The following IGF1R variants were observed in gnomAD, a reference collection of about 807,000 sequenced individuals.
The protein encoded by IGF1R is insulin like growth factor 1 receptor.
A neutral mutation model predicts 144.6 loss-of-function variants in IGF1R; 44 were observed. The ratio of observed to expected loss-of-function variants is 0.30; its 90% CI spans 0.24 to 0.39. IGF1R has a LOEUF of 0.39. IGF1R is among the 10% of genes least tolerant of loss of function. The pLI is 1.00. For missense variants in IGF1R, 1,355 were observed against 1,833.7 expected, an observed-to-expected ratio of 0.74 and a Z score of 4.77; for synonymous variants, 795 against 722.8, an observed-to-expected ratio of 1.10 and a Z score of -1.60.
chr15:98,906,712 A>G (rs1292635431), intron 5 of IGF1R, among the ~76,000 whole-genome samples: 2 of 152,246 alleles, frequency 1.3e-5, no homozygotes, highest in African/African-American at 2.4e-5. Context: ...CTGCTTTTCC[A>G]GGATAGCTGT....
chr15:98,811,291 C>T (rs908025116), intron 2 of IGF1R, among the ~76,000 whole-genome samples: 13 of 150,138 alleles, frequency 8.7e-5, no homozygotes, highest in Admixed American at 8.0e-4. Context: ...GAGGCTGAGA[C>T]GGGCAGATCA....
intron 2 of IGF1R, among the ~76,000 whole-genome samples, chr15:98,858,749 G>A (rs905483358): frequency 3.3e-5 from 5 of 152,182 alleles, no homozygotes; most frequent in African/African-American, 7.2e-5. Flanking sequence ...CAGGGTTTGC[G>A]GGGAGAAATC....
intron 15 of IGF1R, 55 bp downstream of exon 15, chr15:98,930,360 T>C: frequency 7.7e-7 from 1 of 1,291,378 alleles, no homozygotes; most frequent in South Asian, 1.2e-5. Context: ...GATCGGGAGC[T>C]TTCAGGAGGG....
At position 98,924,506 on chromosome 15, in the gene IGF1R, G is replaced by C. The variant is rs1286068434; in HGVS notation, c.2623-19G>C. On this transcript the variant is annotated intron_variant, in intron 12 of 20. Coordinates refer to ENST00000650285, the MANE Select transcript of IGF1R (RefSeq NM_000875.5). ...TCCTGCATTCATGGGAAATTGACAT[G>C]TATGTTTTATTTCCCCAGGATCAGC... 1.9e-6 allele frequency: 3 copies of C among 1,613,460 alleles called. No homozygotes were observed. Among genetic ancestry groups the C allele is most frequent in the Non-Finnish European group, 2.5e-6 (3 of 1,179,502 alleles).
chr15:98,943,280 A>G (rs550251607), intron 19 of IGF1R, among the ~76,000 whole-genome samples: 2 of 152,336 alleles, frequency 1.3e-5, no homozygotes, highest in South Asian at 4.1e-4. Context: ...TGGGACCAAC[A>G]TTCTTTCCGC....
intron 2 of IGF1R, among the ~76,000 whole-genome samples, chr15:98,753,297 G>A (rs2055064471): frequency 1.3e-5 from 2 of 148,888 alleles, no homozygotes; most frequent in Middle Eastern, 7.1e-3. Flanking sequence ...GCTCACTGCA[G>A]CCTTGACCTC....
At chr15:98,753,380 C>CTT (rs1173073572) in intron 2 of IGF1R, among the ~76,000 whole-genome samples, 979 of 60,278 alleles carry the variant, frequency 0.016, 99 homozygotes, top group Middle Eastern at 0.034. Flanking sequence ...CCATACCTGG[C>CTT]TTTTTTTTTT....
intron 2 of IGF1R, among the ~76,000 whole-genome samples, chr15:98,752,421 C>T (rs12911273): frequency 0.59 from 89,837 of 152,024 alleles, 26,851 homozygotes; most frequent in Non-Finnish European, 0.64. Context: ...CTGTGGCTCC[C>T]GCCTGTAATC....
chr15:98,791,219 G>A (rs534336091), intron 2 of IGF1R, among the ~76,000 whole-genome samples: 1 of 152,302 alleles, frequency 6.6e-6, no homozygotes, highest in African/African-American at 2.4e-5. Flanking sequence ...CAAAGATCTT[G>A]GGGGTGTGGT....
intron 17 of IGF1R, among the ~76,000 whole-genome samples, chr15:98,937,596 C>T (rs944782498): frequency 2.0e-5 from 3 of 152,172 alleles, no homozygotes; most frequent in South Asian, 2.1e-4. Context: ...CCTGCTCCCC[C>T]GACCAAGTTT....
intron 1 of IGF1R, among the ~76,000 whole-genome samples, chr15:98,706,827 G>GTTT (rs11418145): frequency 1.4e-5 from 2 of 147,376 alleles, no homozygotes; most frequent in South Asian, 2.1e-4. Flanking sequence ...ATTTTTACTG[G>GTTT]TTTTTTTTTT....
At chr15:98,933,838 CCTCAGT>C (rs1260576723) in intron 15 of IGF1R, among the ~76,000 whole-genome samples, 1 of 152,148 alleles carries the variant, frequency 6.6e-6, no homozygotes, top group Non-Finnish European at 1.5e-5. Context: ...CGGGTCTCTC[CCTCAGT>C]CTCAGAGCTC....
intron 2 of IGF1R, among the ~76,000 whole-genome samples, chr15:98,841,972 C>T (rs2011182387): frequency 6.6e-6 from 1 of 152,214 alleles, no homozygotes; most frequent in Non-Finnish European, 1.5e-5. Flanking sequence ...CTGCTGGCAT[C>T]ATCTTTCTAG....
rs77588456 is a variant in IGF1R, at chr15:98,726,295, G to A, written c.640+18188G>A. 1.3e-3 allele frequency among the ~76,000 whole-genome samples: 191 copies of A among 152,282 alleles called. 3 individuals are homozygous for A. In the East Asian group the frequency reaches 0.026, roughly 21 times the overall value. On this transcript the variant is annotated intron_variant, in intron 2 of 20. Transcript: ENST00000650285. The stretch of plus-strand genomic sequence containing the variant: ...TTTTCCTGCCCATTACTCTCCCATC[G>A]TAGCTCACCTAATACTTCCTAGTGG...
In IGF1R at chr15:98,922,233, T is replaced by A; in HGVS notation, c.2287T>A (p.Tyr763Asn). 6.2e-7 allele frequency: 1 copy of A among 1,614,206 alleles called. No individual in the cohort carries two copies. Among genetic ancestry groups the A allele is most frequent in the South Asian group, 1.1e-5 (1 of 91,076 alleles). Residue 763 changes from tyrosine to asparagine, a missense_variant, in exon 11 of 21, where the codon TAC becomes AAC. By Grantham distance (143) the Tyr-to-Asn change is moderately radical. Around this residue, in one of 7 missense-constraint regions of IGF1R, gnomAD observed 880 missense variants for 1,202.7 expected, o/e 0.73. Transcript: ENST00000650285. ...RSRNTTAADT[Y>N]NITDPEELET... ...CAGGAACACCACGGCCGCAGACACCTACAACATCACCGACCCGGAAGAGCT... is the reference window on the plus strand; with the variant it reads ...CAGGAACACCACGGCCGCAGACACCAACAACATCACCGACCCGGAAGAGCT...
intron 2 of IGF1R, among the ~76,000 whole-genome samples, chr15:98,867,159 GA>G (rs1221919753): frequency 6.1e-5 from 4 of 65,058 alleles, no homozygotes; most frequent in African/African-American, 2.2e-4. Context: ...AAGGGGGAGA[GA>G]GAGAGAGAGA....
chr15:98,776,301 C>A (rs992095686), intron 2 of IGF1R, among the ~76,000 whole-genome samples: 5 of 151,858 alleles, frequency 3.3e-5, no homozygotes, highest in Non-Finnish European at 4.4e-5. Context: ...TCTCCTGCCT[C>A]GGCCTTCTGA....
intron 17 of IGF1R, among the ~76,000 whole-genome samples, chr15:98,936,614 A>ATTT (rs11379462): frequency 1.4e-5 from 2 of 142,544 alleles, no homozygotes; most frequent in South Asian, 2.2e-4. Context: ...TTTGGGCTTA[A>ATTT]TTTTTTTTTT....
chr15:98,771,906 AT>A (rs542931454), intron 2 of IGF1R, among the ~76,000 whole-genome samples: 7,747 of 144,380 alleles, frequency 0.054, 654 homozygotes, highest in African/African-American at 0.18. Flanking sequence ...CTCCACTGAC[AT>A]TTTTTTTTTT....
Sources: allele counts gnomAD v4.1 joint callset (sites outside exome capture counted in the v4.1 genomes callset), GRCh38; gene constraint gnomAD v4.1.1; regional missense constraint gnomAD v4.1.1; transcripts MANE v1.5; gene names NCBI Gene and HGNC (gene_info 2026-07-23, HGNC 2026-07-21).